Variants in DNAH14 observed in about 807,000 individuals in gnomAD.
DNAH14 encodes the protein axonemal beta dynein heavy chain 14.
In DNAH14, 478 loss-of-function variants were observed where a neutral mutation model predicts 520.9. The ratio of observed to expected loss-of-function variants is 0.92; its 90% CI spans 0.85 to 0.99. DNAH14 has a LOEUF of 0.99. Among genes scored for constraint, DNAH14 ranks in the 50% least tolerant of loss-of-function variants. DNAH14 has a pLI of 0.00. For synonymous variants in DNAH14, 1,581 were observed against 1,757.2 expected (o/e 0.90, Z 2.51); for missense variants, 4,831 against 5,234.5 (o/e 0.92, Z 2.38).
intron 15 of DNAH14, among the ~76,000 whole-genome samples, chr1:225,045,015 C>CT (rs2067821909): frequency 2.6e-5 from 4 of 152,026 alleles, no homozygotes; most frequent in African/African-American, 7.2e-5. Context: ...CCTTTGTATA[C>CT]TTGTGATTTC....
At chr1:225,028,949 A>G (rs1231857906) in intron 11 of DNAH14, among the ~76,000 whole-genome samples, 1 of 152,060 alleles carries the variant, frequency 6.6e-6, no homozygotes, top group East Asian at 1.9e-4. Context: ...CCTCCTAGCC[A>G]TTTACCGCAA....
At chr1:225,214,492 C>T (rs1232527266) in intron 41 of DNAH14, among the ~76,000 whole-genome samples, 1 of 152,188 alleles carries the variant, frequency 6.6e-6, no homozygotes, top group Non-Finnish European at 1.5e-5. Context: ...GTACCAGCTC[C>T]TCCTTGTACC....
At chr1:225,239,209 T>C (rs796286613) in intron 42 of DNAH14, among the ~76,000 whole-genome samples, 17 of 152,202 alleles carry the variant, frequency 1.1e-4, no homozygotes, top group African/African-American at 4.1e-4. Context: ...TTTCTGAGAT[T>C]CCTGGGGCCA....
At position 225,096,487 on chromosome 1, in the gene DNAH14, G is replaced by A. The variant is rs549310529; in HGVS notation, c.3574-631G>A. Among the ~76,000 whole-genome samples the A allele has an allele frequency of 2.6e-5, 4 of 152,196 alleles. No homozygotes were observed. The South Asian group carries it at 6.2e-4, about 24-fold the overall frequency. ...CACTGGTTTCCAAATAAGCCTTTTA[G>A]TATTAATTTATTTTTAACCATTTTC... On this transcript the variant is annotated intron_variant, in intron 21 of 85. Transcript: ENST00000682510.
At chr1:225,079,856 G>T (rs1160296301) in intron 18 of DNAH14, among the ~76,000 whole-genome samples, 1 of 151,550 alleles carries the variant, frequency 6.6e-6, no homozygotes, top group Non-Finnish European at 1.5e-5. Context: ...TGTATTTTTA[G>T]TAGAGACGAG....
In DNAH14 at chr1:225,057,702, C is replaced by A. The variant is rs1003298457; in HGVS notation, c.2424+5907C>A. Among the ~76,000 whole-genome samples the A allele has an allele frequency of 2.0e-5, 3 of 152,142 alleles. No homozygotes were observed. In the East Asian group the frequency reaches 5.8e-4, roughly 29 times the overall value. On this transcript the variant is annotated intron_variant, in intron 17 of 85. Coordinates refer to ENST00000682510, the MANE Select transcript of DNAH14 (RefSeq NM_001367479.1). ...GCTTTTGTTATTTTGAGATATGTCCCATCAATACCTAATTTATTGAGAGTT... is the reference window on the plus strand; with the variant it reads ...GCTTTTGTTATTTTGAGATATGTCCAATCAATACCTAATTTATTGAGAGTT...
intron 54 of DNAH14, among the ~76,000 whole-genome samples, chr1:225,282,824 C>A (rs1216689020): frequency 1.3e-5 from 2 of 152,168 alleles, no homozygotes; most frequent in South Asian, 4.1e-4. Flanking sequence ...GTTTATTGAT[C>A]ATTCGGGTCT....
chr1:225,319,124 C>T lies in DNAH14; in HGVS notation c.9335+447C>T, dbSNP rs979585240. 2.6e-5 allele frequency among the ~76,000 whole-genome samples: 4 copies of T among 152,196 alleles called. No individual in the cohort carries two copies. In the East Asian group the frequency reaches 7.7e-4, roughly 29 times the overall value. On this transcript the variant is annotated intron_variant, in intron 61 of 85. Transcript: ENST00000682510. Reference sequence around the variant, plus strand: ...TACAGCTTTTGGGACTGTACTAACACATATCTGAGACTGCAAAGTTGGACA... The same window carrying T: ...TACAGCTTTTGGGACTGTACTAACATATATCTGAGACTGCAAAGTTGGACA...
At chr1:225,351,078 A>G (rs1285737228) in intron 71 of DNAH14, among the ~76,000 whole-genome samples, 1 of 152,206 alleles carries the variant, frequency 6.6e-6, no homozygotes, top group Non-Finnish European at 1.5e-5. Context: ...CAGTATGAAT[A>G]TATTTAACAC....
intron 1 of DNAH14, among the ~76,000 whole-genome samples, chr1:224,934,784 A>G (rs553181614): frequency 6.6e-6 from 1 of 151,974 alleles, no homozygotes; most frequent in South Asian, 2.1e-4. Flanking sequence ...AAGAGAAAAG[A>G]TCCTTGTCAC....
intron 84 of DNAH14, among the ~76,000 whole-genome samples, chr1:225,394,448 T>C (rs976593457): frequency 6.6e-6 from 1 of 152,276 alleles, no homozygotes; most frequent in African/African-American, 2.4e-5. Context: ...TTTTATGTTC[T>C]GTTTAAGAAA....
chr1:225,376,363 G>A (rs578168406), intron 78 of DNAH14, among the ~76,000 whole-genome samples: 1 of 152,060 alleles, frequency 6.6e-6, no homozygotes, highest in African/African-American at 2.4e-5. Context: ...GGAAGCAGAG[G>A]TTGAAGTGAA....
At chr1:225,321,360 A>G (rs2094552817) in intron 61 of DNAH14, among the ~76,000 whole-genome samples, 1 of 152,346 alleles carries the variant, frequency 6.6e-6, no homozygotes, top group South Asian at 2.1e-4. Flanking sequence ...TAACCTGTAC[A>G]ACAAACTCCC....
chr1:225,392,140 C>T (rs1175494576), intron 83 of DNAH14, 151 bp from the exon 84 acceptor site: 3 of 937,514 alleles, frequency 3.2e-6, no homozygotes, highest in Non-Finnish European at 4.7e-6. Context: ...GGTGGGTGAA[C>T]TGGTCCTCTG....
chr1:225,027,070 T>C (rs1302400671), intron 11 of DNAH14, among the ~76,000 whole-genome samples: 1 of 152,156 alleles, frequency 6.6e-6, no homozygotes, highest in Non-Finnish European at 1.5e-5. Context: ...TGCCAGCATA[T>C]TGAAATACAA....
intron 55 of DNAH14, among the ~76,000 whole-genome samples, chr1:225,291,549 T>G (rs949896959): frequency 1.3e-4 from 20 of 152,092 alleles, no homozygotes; most frequent in African/African-American, 4.8e-4. Context: ...CCCAAGTAGC[T>G]GAGACTACAA....
At chr1:224,931,456 A>G (rs1382688944) in intron 1 of DNAH14, among the ~76,000 whole-genome samples, 1 of 152,180 alleles carries the variant, frequency 6.6e-6, no homozygotes, top group African/African-American at 2.4e-5. Context: ...TAGGTTGTCC[A>G]TGACCTGAGT....
intron 17 of DNAH14, among the ~76,000 whole-genome samples, chr1:225,071,073 C>T (rs2071492167): frequency 6.6e-6 from 1 of 152,128 alleles, no homozygotes; most frequent in South Asian, 2.1e-4. Context: ...CTATGTGTGT[C>T]ATTGCATGTG....
intron 23 of DNAH14, among the ~76,000 whole-genome samples, chr1:225,105,721 T>C (rs900112419): frequency 3.9e-5 from 6 of 152,138 alleles, no homozygotes; most frequent in African/African-American, 1.4e-4. Context: ...CTGCCCTTTT[T>C]TGTTTTCCAT....
Sources: allele counts gnomAD v4.1 joint callset (sites outside exome capture counted in the v4.1 genomes callset), GRCh38; gene constraint gnomAD v4.1.1; transcripts MANE v1.5; gene names NCBI Gene and HGNC (gene_info 2026-07-23, HGNC 2026-07-21).